GPR39: variants seen among roughly 807,000 people sequenced by gnomAD.
GPR39 encodes the protein zinc sensing receptor.
GPR39 carries 23 observed loss-of-function variants against 18.4 expected under a neutral mutation model. That is an observed-to-expected ratio of 1.25 (90% confidence interval 0.90 to 1.77). The LOEUF is 1.77. GPR39 is among the 40% of genes most tolerant of loss of function. The pLI is 0.00. For missense variants in GPR39, 647 were observed against 602.4 expected (o/e 1.07, Z -0.78); for synonymous variants, 280 against 257.9 (o/e 1.09, Z -0.82).
At chr2:132,507,873 G>T (rs780771542) in intron 1 of GPR39, among the ~76,000 whole-genome samples, 11 of 152,150 alleles carry the variant, frequency 7.2e-5, no homozygotes, top group African/African-American at 1.2e-4. Context: ...CCCAAACATG[G>T]TTATCTTTGG....
intron 1 of GPR39, among the ~76,000 whole-genome samples, chr2:132,457,568 C>CA (rs1680753077): frequency 6.6e-6 from 1 of 152,184 alleles, no homozygotes; most frequent in Admixed American, 6.5e-5. Context: ...AGGTGTCTCC[C>CA]AGTTAGGCTA....
At chr2:132,460,793 A>G (rs958796236) in intron 1 of GPR39, among the ~76,000 whole-genome samples, 1 of 152,084 alleles carries the variant, frequency 6.6e-6, no homozygotes, top group African/African-American at 2.4e-5. Context: ...AGTATCAATA[A>G]GGTGCCTACA....
At chr2:132,458,751 A>G (rs1442265482) in intron 1 of GPR39, among the ~76,000 whole-genome samples, 1 of 151,928 alleles carries the variant, frequency 6.6e-6, no homozygotes, top group African/African-American at 2.4e-5. Flanking sequence ...AGAGAACCAC[A>G]TTGCATTCAA....
At chr2:132,573,801 A>C (rs1302414085) in intron 1 of GPR39, among the ~76,000 whole-genome samples, 2 of 152,152 alleles carry the variant, frequency 1.3e-5, no homozygotes, top group African/African-American at 4.8e-5. Flanking sequence ...GAAAAGAATT[A>C]CCTTCATCAG....
chr2:132,554,679 G>A (rs1350642381), intron 1 of GPR39, among the ~76,000 whole-genome samples: 1 of 152,140 alleles, frequency 6.6e-6, no homozygotes, highest in Admixed American at 6.6e-5. Context: ...TATTTGGAGA[G>A]GGGGCAGATT....
intron 1 of GPR39, among the ~76,000 whole-genome samples, chr2:132,493,412 A>G (rs897336071): frequency 1.4e-5 from 2 of 146,880 alleles, no homozygotes; most frequent in African/African-American, 2.5e-5. Context: ...TATATACACT[A>G]TATATACACA....
intron 1 of GPR39, among the ~76,000 whole-genome samples, chr2:132,493,927 C>A (rs185122407): frequency 6.6e-6 from 1 of 152,076 alleles, no homozygotes. Context: ...AGGGAATGAT[C>A]AATAGTAATA....
rs969588118 is a variant in GPR39 at position 132,478,134 on chromosome 2, C to G, written c.856+60236C>G. On this transcript the variant is annotated intron_variant, in intron 1 of 1. Coordinates refer to ENST00000329321, the MANE Select transcript of GPR39 (RefSeq NM_001508.3). The stretch of plus-strand genomic sequence containing the variant: ...ATTGGGACTTGGCATTACAATGACT[C>G]TTTAAAAACCACAAACTGCTGAACA... Among the ~76,000 whole-genome samples, 35 of 152,194 alleles carry G rather than the reference C, an allele frequency of 2.3e-4. 1 individual carries two copies. The highest frequency in any genetic ancestry group is 7.7e-4 in the African/African-American group (32 of 41,454).
At chr2:132,590,224 A>G (rs778347511) in intron 1 of GPR39, among the ~76,000 whole-genome samples, 6 of 152,218 alleles carry the variant, frequency 3.9e-5, no homozygotes, top group Non-Finnish European at 8.8e-5. Context: ...TTTCACTGCT[A>G]GCATTTTCTG....
At chr2:132,477,943 G>A (rs1220979080) in intron 1 of GPR39, among the ~76,000 whole-genome samples, 1 of 152,208 alleles carries the variant, frequency 6.6e-6, no homozygotes, top group Non-Finnish European at 1.5e-5. Flanking sequence ...ACTAAACAGA[G>A]TTAATCCTAG....
At chr2:132,524,798 G>C (rs929495259) in intron 1 of GPR39, among the ~76,000 whole-genome samples, 1 of 152,170 alleles carries the variant, frequency 6.6e-6, no homozygotes, top group African/African-American at 2.4e-5. Context: ...ATTATTACAT[G>C]TACTCAGAAG....
At position 132,417,120 on chromosome 2, in the gene GPR39, C is replaced by T. The variant is rs1679916297; in HGVS notation, c.78C>T (p.Ala26=). ...DHSHVPEFEV[A]TWIKITLILV... is the part of the protein sequence containing the mutation. Reference sequence around the variant, plus strand: ...GTCATGTCCCCGAGTTTGAGGTGGCCACCTGGATCAAAATCACCCTTATTC... The same window carrying T: ...GTCATGTCCCCGAGTTTGAGGTGGCTACCTGGATCAAAATCACCCTTATTC... The change falls in exon 1 of 2, where the codon GCC becomes GCT. Residue 26 remains alanine, a synonymous_variant. Coordinates refer to ENST00000329321, the MANE Select transcript of GPR39 (RefSeq NM_001508.3). 6.2e-7 allele frequency: 1 copy of T among 1,614,038 alleles called. No individual in the cohort carries two copies. The highest frequency in any genetic ancestry group is 1.3e-5 in the African/African-American group (1 of 74,906).
chr2:132,609,716 C>A (rs1020879166), intron 1 of GPR39, among the ~76,000 whole-genome samples: 1 of 152,212 alleles, frequency 6.6e-6, no homozygotes, highest in Non-Finnish European at 1.5e-5. Context: ...TCACTGCTGT[C>A]TGCCAAAAGA....
At chr2:132,547,902 A>G (rs1339234903) in intron 1 of GPR39, among the ~76,000 whole-genome samples, 1 of 152,120 alleles carries the variant, frequency 6.6e-6, no homozygotes, top group Non-Finnish European at 1.5e-5. Context: ...TTTCTCAGTA[A>G]TTTGTCAAAT....
intron 1 of GPR39, among the ~76,000 whole-genome samples, chr2:132,564,630 A>T (rs768044238): frequency 6.6e-6 from 1 of 151,928 alleles, no homozygotes; most frequent in Non-Finnish European, 1.5e-5. Context: ...TACCTGCACC[A>T]TCTTGAGAAA....
chr2:132,442,359 C>T (rs1443058027), intron 1 of GPR39, among the ~76,000 whole-genome samples: 2 of 152,260 alleles, frequency 1.3e-5, no homozygotes, highest in South Asian at 4.1e-4. Flanking sequence ...GCCTTAGAGA[C>T]ATGGGATTCT....
At chr2:132,553,358 T>C (rs976079185) in intron 1 of GPR39, among the ~76,000 whole-genome samples, 1 of 149,248 alleles carries the variant, frequency 6.7e-6, no homozygotes, top group African/African-American at 2.5e-5. Context: ...TATATATATA[T>C]GTATATATGT....
intron 1 of GPR39, among the ~76,000 whole-genome samples, chr2:132,534,130 TCAAA>T (rs1381559963): frequency 6.6e-6 from 1 of 151,948 alleles, no homozygotes; most frequent in African/African-American, 2.4e-5. Flanking sequence ...TATAATGAAC[TCAAA>T]CAAATTTACA....
intron 1 of GPR39, among the ~76,000 whole-genome samples, chr2:132,631,047 A>G (rs1465018705): frequency 2.0e-5 from 3 of 152,134 alleles, no homozygotes; most frequent in Non-Finnish European, 4.4e-5. Context: ...GTATATCCCT[A>G]GAGATGATAT....
Sources: gnomAD v4.1 joint callset for allele counts (sites outside exome capture counted in the v4.1 genomes callset) on GRCh38, gnomAD v4.1.1 for gene constraint, MANE v1.5 for transcripts, NCBI Gene and HGNC (gene_info 2026-07-23, HGNC 2026-07-21) for gene names.